REC114: variants seen among roughly 807,000 people sequenced by gnomAD.
The protein encoded by REC114 is meiotic recombination protein REC114.
A neutral mutation model predicts 31.3 loss-of-function variants in REC114; 27 were observed. The observed-to-expected ratio is 0.86, with a 90% CI of 0.64 to 1.19. The LOEUF is 1.19. Ranked by LOEUF, REC114 falls within the 50% of genes most tolerant of loss-of-function variation. The probability of loss-of-function intolerance (pLI) is 0.00; values close to 1 mark genes in which losing one functional copy is unlikely to be tolerated. For synonymous variants in REC114, 134 were observed against 127.7 expected (o/e 1.05, Z -0.33); for missense variants, 344 against 326.9 (o/e 1.05, Z -0.40).
intron 2 of REC114, among the ~76,000 whole-genome samples, chr15:73,493,417 GT>G (rs1240844548): frequency 1.4e-4 from 21 of 151,932 alleles, no homozygotes; most frequent in Admixed American, 1.2e-3. Flanking sequence ...AGTTTTGTTT[GT>G]TTTCAAAACT....
intron 2 of REC114, among the ~76,000 whole-genome samples, chr15:73,506,167 TTTG>T (rs1893673707): frequency 6.6e-6 from 1 of 152,196 alleles, no homozygotes; most frequent in African/African-American, 2.4e-5. Context: ...TAAAAAAAGC[TTTG>T]TTATTTCTTA....
At chr15:73,509,327 G>A (rs1341339253) in intron 2 of REC114, among the ~76,000 whole-genome samples, 4 of 147,684 alleles carry the variant, frequency 2.7e-5, no homozygotes, top group Non-Finnish European at 5.9e-5. Flanking sequence ...GTTCATTGTA[G>A]ATTCTGGATA....
intron 1 of REC114, among the ~76,000 whole-genome samples, chr15:73,451,203 T>C (rs1397409120): frequency 1.3e-5 from 2 of 152,196 alleles, no homozygotes; most frequent in Non-Finnish European, 2.9e-5. Flanking sequence ...GGAGCTGGTT[T>C]TTTGAAAAGA....
At chr15:73,454,883 G>A (rs965766052) in intron 1 of REC114, among the ~76,000 whole-genome samples, 1 of 152,150 alleles carries the variant, frequency 6.6e-6, no homozygotes, top group Non-Finnish European at 1.5e-5. Flanking sequence ...CCATTCTAAG[G>A]AGTTGATTGT....
At chr15:73,558,006 G>A (rs887078417) in intron 5 of REC114, among the ~76,000 whole-genome samples, 7 of 152,190 alleles carry the variant, frequency 4.6e-5, no homozygotes, top group Non-Finnish European at 8.8e-5. Context: ...AGGATATTAA[G>A]TGAGGTATAA....
At chr15:73,465,096 TG>T (rs1238799572) in intron 1 of REC114, among the ~76,000 whole-genome samples, 1 of 152,196 alleles carries the variant, frequency 6.6e-6, no homozygotes, top group Non-Finnish European at 1.5e-5. Flanking sequence ...TTTGCCATCT[TG>T]GCCAGACTGG....
At chr15:73,460,353 T>C (rs1285934429) in intron 1 of REC114, among the ~76,000 whole-genome samples, 1 of 152,184 alleles carries the variant, frequency 6.6e-6, no homozygotes, top group Non-Finnish European at 1.5e-5. Context: ...TTATTCTTTA[T>C]CCACTATGTG....
intron 2 of REC114, among the ~76,000 whole-genome samples, chr15:73,494,475 G>GA (rs1893488524): frequency 1.5e-5 from 2 of 131,866 alleles, no homozygotes; most frequent in Non-Finnish European, 3.2e-5. Flanking sequence ...CTGGGTGACA[G>GA]AACAAGACCC....
chr15:73,521,900 A>G (rs1180974346), intron 2 of REC114, among the ~76,000 whole-genome samples: 3 of 152,216 alleles, frequency 2.0e-5, no homozygotes, highest in Non-Finnish European at 4.4e-5. Flanking sequence ...GGAAGAACTC[A>G]GATTTTTCTA....
intron 2 of REC114, among the ~76,000 whole-genome samples, chr15:73,534,342 G>C (rs1894127118): frequency 6.6e-6 from 1 of 152,262 alleles, no homozygotes; most frequent in Non-Finnish European, 1.5e-5. Context: ...AAATGATAAA[G>C]GGGATATCAC....
In REC114 at chr15:73,559,989, ATTAGAATAAAGAGTAT is replaced by A; in HGVS notation, c.*75_*90del. 7.3e-7 allele frequency: 1 copy of A among 1,378,640 alleles called. No individual in the cohort carries two copies. The allele number at this position is 1,378,640 out of a possible 1,614,324, so 85.4% of individuals were successfully genotyped here. Reference sequence around the variant, plus strand: ...GCTTCCTCCTAAAATTAAAGAAGATATTAGAATAAAGAGTATTATCCAAACACCTTTTATCAATGTT... The same window carrying A: ...GCTTCCTCCTAAAATTAAAGAAGATATATCCAAACACCTTTTATCAATGTT... On this transcript the variant is annotated 3_prime_UTR_variant, in exon 6 of 6. Coordinates refer to ENST00000331090, the MANE Select transcript of REC114 (RefSeq NM_001042367.2).
chr15:73,451,851 T>C (rs1448359910), intron 1 of REC114, among the ~76,000 whole-genome samples: 2 of 152,158 alleles, frequency 1.3e-5, no homozygotes, highest in Admixed American at 1.3e-4. Flanking sequence ...ATAAATGTAA[T>C]CCATCACATA....
At chr15:73,556,641 CGG>C (rs1566951242) in intron 5 of REC114, among the ~76,000 whole-genome samples, 1 of 152,018 alleles carries the variant, frequency 6.6e-6, no homozygotes, top group African/African-American at 2.4e-5. Flanking sequence ...GGAAATAAAA[CGG>C]GGAAAAGTGG....
At chr15:73,531,098 T>G (rs369218043) in intron 2 of REC114, among the ~76,000 whole-genome samples, 20 of 152,286 alleles carry the variant, frequency 1.3e-4, no homozygotes, top group African/African-American at 4.8e-4. Flanking sequence ...ATGGGAAGAT[T>G]TTAAAGCTAA....
At chr15:73,466,520 C>G (rs911687973) in intron 1 of REC114, among the ~76,000 whole-genome samples, 17 of 152,118 alleles carry the variant, frequency 1.1e-4, no homozygotes, top group African/African-American at 3.6e-4. Flanking sequence ...TGCCATTGCA[C>G]TCTAGCCTGG....
chr15:73,453,809 G>A, intron 1 of REC114, among the ~76,000 whole-genome samples: 1 of 152,174 alleles, frequency 6.6e-6, no homozygotes, highest in Non-Finnish European at 1.5e-5. Context: ...ATGAGTTCAT[G>A]TCCTTTGCAG....
intron 2 of REC114, among the ~76,000 whole-genome samples, chr15:73,488,494 C>G (rs1893402621): frequency 6.6e-6 from 1 of 152,148 alleles, no homozygotes; most frequent in Admixed American, 6.5e-5. Flanking sequence ...CCATACAGCA[C>G]CTAGAGTATT....
At chr15:73,515,333 A>T (rs1567883250) in intron 2 of REC114, among the ~76,000 whole-genome samples, 1 of 152,222 alleles carries the variant, frequency 6.6e-6, no homozygotes, top group Non-Finnish European at 1.5e-5. Flanking sequence ...CAGAACAATC[A>T]TATGATTATT....
At chr15:73,478,106 A>T (rs891126993) in intron 2 of REC114, among the ~76,000 whole-genome samples, 1 of 151,850 alleles carries the variant, frequency 6.6e-6, no homozygotes, top group Non-Finnish European at 1.5e-5. Flanking sequence ...TCTACTAAAA[A>T]TATAAAAACT....
Sources: gnomAD v4.1 joint callset for allele counts (sites outside exome capture counted in the v4.1 genomes callset) on GRCh38, gnomAD v4.1.1 for gene constraint, MANE v1.5 for transcripts, NCBI Gene and HGNC (gene_info 2026-07-23, HGNC 2026-07-21) for gene names.